Variants in ANKS1B observed in about 807,000 individuals in gnomAD.
ANKS1B encodes ankyrin repeat and sterile alpha motif domain containing 1B, also known as ankyrin repeat and sterile alpha motif domain-containing protein 1B.
A neutral mutation model predicts 148.3 loss-of-function variants in ANKS1B; 36 were observed. The ratio of observed to expected loss-of-function variants is 0.24; its 90% CI spans 0.19 to 0.32. ANKS1B has a LOEUF of 0.32. Ranked by LOEUF, ANKS1B falls within the 10% of genes least tolerant of loss-of-function variation. The pLI, the probability that ANKS1B is intolerant of heterozygous loss-of-function variation, is 1.00. For synonymous variants in ANKS1B, 542 were observed against 560.8 expected (o/e 0.97, Z 0.47); for missense variants, 1,157 against 1,542.6 (o/e 0.75, Z 4.19).
At chr12:99,599,674 A>C (rs1165560446) in intron 9 of ANKS1B, among the ~76,000 whole-genome samples, 2 of 152,076 alleles carry the variant, frequency 1.3e-5, no homozygotes, top group African/African-American at 4.8e-5. Flanking sequence ...GATAACTCCT[A>C]AATTTACAGT....
rs2097847707 is a variant in ANKS1B, at chr12:98,744,834, G to A, written c.*905C>T. On this transcript the variant is annotated 3_prime_UTR_variant, in exon 27 of 27. Transcript: ENST00000683438. ...AACATGTTCTTTAAAACACTGTGAA[G>A]ATTAAAAAACAATCTTGGCAGGCTG... The A allele has an allele frequency of 3.0e-6, 3 of 984,542 alleles. No individual in the cohort carries two copies. Among genetic ancestry groups the A allele is most frequent in the African/African-American group, 1.8e-5 (1 of 56,890 alleles). The allele number at this position is 984,542 out of a possible 1,614,324, so 61.0% of individuals were successfully genotyped here. A position where few individuals can be genotyped will look rare whatever the true frequency, so the allele number is the denominator to read the frequency against.
intron 9 of ANKS1B, among the ~76,000 whole-genome samples, chr12:99,616,037 A>G (rs1353484201): frequency 6.6e-6 from 1 of 152,194 alleles, no homozygotes; most frequent in Non-Finnish European, 1.5e-5. Context: ...ACTCCGATTC[A>G]CAACTGCCAC....
At chr12:99,793,631 A>C (rs978056803) in intron 4 of ANKS1B, among the ~76,000 whole-genome samples, 6 of 152,098 alleles carry the variant, frequency 3.9e-5, no homozygotes, top group African/African-American at 1.4e-4. Flanking sequence ...CAGAACAATG[A>C]AACTAGACTC....
intron 12 of ANKS1B, among the ~76,000 whole-genome samples, chr12:99,363,334 A>G (rs778569783): frequency 4.6e-5 from 7 of 152,150 alleles, no homozygotes; most frequent in Non-Finnish European, 1.0e-4. Context: ...TATTTAGTAA[A>G]ATCTTTAACA....
At chr12:99,164,515 T>C (rs764515621) in intron 14 of ANKS1B, among the ~76,000 whole-genome samples, 7 of 152,110 alleles carry the variant, frequency 4.6e-5, no homozygotes, top group Non-Finnish European at 8.8e-5. Context: ...GATACTTCTC[T>C]ATTCCTTTCA....
chr12:98,903,531 G>T (rs929165683), intron 17 of ANKS1B, among the ~76,000 whole-genome samples: 1 of 152,236 alleles, frequency 6.6e-6, no homozygotes, highest in East Asian at 1.9e-4. Context: ...GGGCCATCTT[G>T]TGGAGAGGGT....
chr12:99,378,668 A>AG (rs201529214), intron 12 of ANKS1B, among the ~76,000 whole-genome samples: 1,748 of 145,858 alleles, frequency 0.012, 33 homozygotes, highest in African/African-American at 0.043. Flanking sequence ...AAAAAAAAAA[A>AG]AAAAAGAAAA....
chr12:99,940,085 C>T (rs566439447), intron 1 of ANKS1B, among the ~76,000 whole-genome samples: 1 of 152,240 alleles, frequency 6.6e-6, no homozygotes, highest in East Asian at 1.9e-4. Context: ...AATGCATAAG[C>T]ACATTTCCAA....
intron 17 of ANKS1B, among the ~76,000 whole-genome samples, chr12:98,918,091 C>G (rs1460863466): frequency 6.6e-6 from 1 of 152,190 alleles, no homozygotes; most frequent in Non-Finnish European, 1.5e-5. Flanking sequence ...CAAGATGATA[C>G]CTACCATGTC....
intron 1 of ANKS1B, among the ~76,000 whole-genome samples, chr12:99,910,682 T>G (rs1420425802): frequency 2.0e-5 from 3 of 151,764 alleles, no homozygotes; most frequent in African/African-American, 7.2e-5. Context: ...AATTAAAAAC[T>G]TTAAATAGGT....
intron 8 of ANKS1B, among the ~76,000 whole-genome samples, chr12:99,681,599 C>A (rs2098617831): frequency 6.6e-6 from 1 of 152,186 alleles, no homozygotes; most frequent in Non-Finnish European, 1.5e-5. Context: ...ACAATCACAG[C>A]AGTCAGGCTG....
chr12:99,447,650 A>T (rs1367538384), intron 10 of ANKS1B, among the ~76,000 whole-genome samples: 1 of 152,116 alleles, frequency 6.6e-6, no homozygotes, highest in Admixed American at 6.6e-5. Context: ...GGAACCAATG[A>T]AGAGAGTGAA....
At chr12:98,955,532 C>T (rs191997994) in intron 17 of ANKS1B, among the ~76,000 whole-genome samples, 132 of 152,240 alleles carry the variant, frequency 8.7e-4, no homozygotes, top group African/African-American at 3.0e-3. Flanking sequence ...AAGGCCACTG[C>T]AATAATACAG....
chr12:99,911,211 G>T (rs2093995389), intron 1 of ANKS1B, among the ~76,000 whole-genome samples: 1 of 152,112 alleles, frequency 6.6e-6, no homozygotes, highest in Admixed American at 6.6e-5. Flanking sequence ...CTCTGTAAGG[G>T]CAATTGAGTC....
chr12:99,255,009 A>C (rs1205164757), intron 12 of ANKS1B, among the ~76,000 whole-genome samples: 2 of 152,164 alleles, frequency 1.3e-5, no homozygotes, highest in African/African-American at 4.8e-5. Context: ...ATGATTACTC[A>C]CCTCACAGAA....
chr12:99,172,547 T>A (rs1235715534), intron 14 of ANKS1B, among the ~76,000 whole-genome samples: 1 of 152,326 alleles, frequency 6.6e-6, no homozygotes, highest in East Asian at 1.9e-4. Flanking sequence ...AACAGCTGAC[T>A]GGACTTCCTG....
intron 15 of ANKS1B, among the ~76,000 whole-genome samples, chr12:99,133,918 T>G (rs890471814): frequency 2.6e-5 from 4 of 152,232 alleles, no homozygotes; most frequent in Non-Finnish European, 4.4e-5. Flanking sequence ...ATTAGCATGT[T>G]GTTACCGTGA....
chr12:99,457,816 A>G (rs776085641), intron 10 of ANKS1B, among the ~76,000 whole-genome samples: 4 of 152,166 alleles, frequency 2.6e-5, no homozygotes, highest in Non-Finnish European at 4.4e-5. Context: ...ATGGACAGCA[A>G]CACAATAATA....
intron 12 of ANKS1B, among the ~76,000 whole-genome samples, chr12:99,267,042 C>A (rs2076515491): frequency 6.6e-6 from 1 of 152,230 alleles, no homozygotes; most frequent in African/African-American, 2.4e-5. Context: ...GTATTTGGAA[C>A]AAATAGGCAC....
Sources: allele counts gnomAD v4.1 joint callset (sites outside exome capture counted in the v4.1 genomes callset), GRCh38; gene constraint gnomAD v4.1.1; transcripts MANE v1.5; gene names NCBI Gene and HGNC (gene_info 2026-07-23, HGNC 2026-07-21).